The following PARD3 variants were observed in gnomAD, a reference collection of about 807,000 sequenced individuals.
The protein encoded by PARD3 is par-3 family cell polarity regulator, also known as partitioning defective 3 homolog.
Under a neutral mutation model 155.4 loss-of-function variants are expected in PARD3, and 75 were observed. The observed-to-expected ratio is 0.48, with a 90% CI of 0.40 to 0.58. The LOEUF (loss-of-function observed/expected upper bound fraction) is 0.58, where lower values mean the gene tolerates loss of function less well. PARD3 is among the 20% of genes least tolerant of loss of function. The pLI is 0.00. For missense variants in PARD3, 1,642 were observed against 1,721.7 expected (o/e 0.95, Z 0.82); for synonymous variants, 576 against 610.5 (o/e 0.94, Z 0.83).
rs778603080 is a variant in PARD3 at position 34,814,970 on chromosome 10, C to G, written c.26G>C (p.Arg9Pro). The change falls in exon 1 of 25, where the codon CGG becomes CCG. Residue 9 changes from arginine (R) to proline (P), a missense_variant. Physicochemically the swap from Arg to Pro is moderately radical, Grantham distance 103. Coordinates refer to ENST00000374788, the MANE Select transcript of PARD3 (RefSeq NM_001184785.2). MKVTVCFG[R>P]TRVVVPCGDG... is the part of the protein sequence containing the mutation. ...CCCGCACGGCACGACCACCCGGGTC[C>G]GTCCGAAGCACACGGTCACTTTCAT... 4.5e-6 allele frequency: 7 copies of G among 1,544,864 alleles called. No homozygotes were observed. The highest frequency in any genetic ancestry group is 4.4e-6 in the Non-Finnish European group (5 of 1,147,254).
At chr10:34,277,832 A>G (rs1311546695) in intron 21 of PARD3, among the ~76,000 whole-genome samples, 1 of 152,192 alleles carries the variant, frequency 6.6e-6, no homozygotes, top group African/African-American at 2.4e-5. Flanking sequence ...CAGTTAAAAG[A>G]CTGCCCACTT....
chr10:34,427,880 G>C (rs1257662078), intron 5 of PARD3, among the ~76,000 whole-genome samples: 3 of 152,114 alleles, frequency 2.0e-5, no homozygotes, highest in Non-Finnish European at 2.9e-5. Flanking sequence ...AAGGGGTAGG[G>C]GGAAGTGGCA....
chr10:34,481,323 C>G (rs1378218687), intron 3 of PARD3, among the ~76,000 whole-genome samples: 1 of 152,076 alleles, frequency 6.6e-6, no homozygotes, highest in African/African-American at 2.4e-5. Flanking sequence ...CAGGGTAGAA[C>G]AGAGTGGTTA....
intron 13 of PARD3, among the ~76,000 whole-genome samples, chr10:34,359,853 T>C (rs553628718): frequency 6.6e-6 from 1 of 152,314 alleles, no homozygotes; most frequent in East Asian, 1.9e-4. Flanking sequence ...AGCATGTCAA[T>C]GGGTTGTATG....
At chr10:34,140,718 T>C (rs1165138187) in intron 22 of PARD3, among the ~76,000 whole-genome samples, 1 of 152,222 alleles carries the variant, frequency 6.6e-6, no homozygotes, top group Non-Finnish European at 1.5e-5. Context: ...TATCAGCAAG[T>C]ATCTTGGGGT....
In PARD3 at chr10:34,122,990, G is replaced by A. The variant is rs568827759; in HGVS notation, c.3541-3250C>T. On this transcript the variant is annotated intron_variant, in intron 23 of 24. Coordinates refer to ENST00000374788, the MANE Select transcript of PARD3 (RefSeq NM_001184785.2). ...ATAAAATATCATCAACAACTGCAGC[G>A]ACAAAGTAACACCCACATAGGGAAA... Among the ~76,000 whole-genome samples the A allele has an allele frequency of 1.5e-4, 23 of 152,266 alleles. No individual in the cohort carries two copies. In the South Asian group the frequency reaches 4.1e-3, roughly 27 times the overall value.
chr10:34,662,692 T>C (rs2093352934), intron 2 of PARD3, among the ~76,000 whole-genome samples: 1 of 151,910 alleles, frequency 6.6e-6, no homozygotes, highest in Non-Finnish European at 1.5e-5. Context: ...GCCAACATGG[T>C]GAAACCCCAT....
chr10:34,255,251 G>T (rs1261961111), intron 22 of PARD3, among the ~76,000 whole-genome samples: 1 of 152,098 alleles, frequency 6.6e-6, no homozygotes, highest in Non-Finnish European at 1.5e-5. Flanking sequence ...AAAATCACCG[G>T]AAGTGTTCCA....
intron 22 of PARD3, among the ~76,000 whole-genome samples, chr10:34,149,340 C>A (rs1948672260): frequency 6.6e-6 from 1 of 151,940 alleles, no homozygotes; most frequent in African/African-American, 2.4e-5. Flanking sequence ...TCTCTATGAA[C>A]ATGTTACTAT....
At chr10:34,707,067 G>A (rs2094374633) in intron 1 of PARD3, among the ~76,000 whole-genome samples, 1 of 151,972 alleles carries the variant, frequency 6.6e-6, no homozygotes, top group Non-Finnish European at 1.5e-5. Context: ...CCAACATGGT[G>A]AAACCCCATC....
chr10:34,378,020 G>T lies in PARD3; in HGVS notation c.1486C>A (p.Arg496=), dbSNP rs767870557. The T allele has an allele frequency of 1.3e-5, 20 of 1,586,196 alleles. No homozygotes were observed. The highest frequency in any genetic ancestry group is 3.3e-4 in the Middle Eastern group (2 of 5,998). The change falls in exon 10 of 25, where the codon CGG becomes AGG. Residue 496 remains arginine (R), a synonymous_variant. Coordinates refer to ENST00000374788, the MANE Select transcript of PARD3 (RefSeq NM_001184785.2). The part of the protein sequence containing the change: ...APIYVKNILP[R]GAAIQDGRLK... ...CGGCCATCCTGAATGGCCGCCCCCC[G>T]GGGGAGAATGTTTTTCACATAGATT...
chr10:34,760,407 C>T (rs1837302085), intron 1 of PARD3, among the ~76,000 whole-genome samples: 1 of 152,204 alleles, frequency 6.6e-6, no homozygotes, highest in South Asian at 2.1e-4. Context: ...TCTCTGCTCA[C>T]TGTAACCTCC....
chr10:34,328,771 G>A (rs955948547), intron 19 of PARD3, among the ~76,000 whole-genome samples: 8 of 152,186 alleles, frequency 5.3e-5, no homozygotes. Context: ...CAAGTCACCT[G>A]AATTCCACTT....
intron 22 of PARD3, among the ~76,000 whole-genome samples, chr10:34,264,010 C>G (rs1160426797): frequency 2.0e-5 from 3 of 152,174 alleles, no homozygotes; most frequent in African/African-American, 7.2e-5. Flanking sequence ...TCCCTTTGGG[C>G]TCTTCTGTGC....
At chr10:34,748,898 C>A (rs1053831629) in intron 1 of PARD3, among the ~76,000 whole-genome samples, 1 of 152,176 alleles carries the variant, frequency 6.6e-6, no homozygotes, top group African/African-American at 2.4e-5. Flanking sequence ...AAGGATGTTC[C>A]CCTCAGTTGT....
At chr10:34,254,185 G>T (rs781684162) in intron 22 of PARD3, among the ~76,000 whole-genome samples, 59 of 152,292 alleles carry the variant, frequency 3.9e-4, no homozygotes, top group Non-Finnish European at 4.6e-4. Flanking sequence ...TTCGAGACCA[G>T]CCTGGCCAAC....
In PARD3 at chr10:34,813,938, A is replaced by C. The variant is rs7921894; in HGVS notation, c.120+938T>G. Among the ~76,000 whole-genome samples, 672 of 152,374 alleles carry C rather than the reference A, an allele frequency of 4.4e-3. 7 individuals are homozygous for C. The highest frequency in any genetic ancestry group is 0.015 in the African/African-American group (641 of 41,594). ...TTGTCAAACACAGACACAGTCGGTA[A>C]AACAATTTAACAAAACGCCTTTTCA... On this transcript the variant is annotated intron_variant, in intron 1 of 24. Transcript: ENST00000374788.
intron 22 of PARD3, among the ~76,000 whole-genome samples, chr10:34,210,548 C>T (rs1306246570): frequency 1.3e-5 from 2 of 152,144 alleles, no homozygotes; most frequent in Non-Finnish European, 2.9e-5. Flanking sequence ...AGAAGAGATA[C>T]ATCCGGCGGT....
chr10:34,376,886 C>T (rs1343965021), intron 10 of PARD3, among the ~76,000 whole-genome samples: 1 of 152,056 alleles, frequency 6.6e-6, no homozygotes, highest in Admixed American at 6.5e-5. Flanking sequence ...AATAAAAATA[C>T]AGACTATATT....
Sources: allele counts gnomAD v4.1 joint callset (sites outside exome capture counted in the v4.1 genomes callset), GRCh38; gene constraint gnomAD v4.1.1; transcripts MANE v1.5; gene names NCBI Gene and HGNC (gene_info 2026-07-23, HGNC 2026-07-21).